Variants in ENTPD8 observed in about 807,000 individuals in gnomAD.
ENTPD8 encodes ectonucleoside triphosphate diphosphohydrolase 8.
A neutral mutation model predicts 47.0 loss-of-function variants in ENTPD8; 35 were observed. That is an observed-to-expected ratio of 0.75 (90% CI 0.57 to 0.99). The LOEUF (loss-of-function observed/expected upper bound fraction) is 0.99, where lower values mean the gene tolerates loss of function less well. Among genes scored for constraint, ENTPD8 ranks in the 50% least tolerant of loss-of-function variants. The probability of loss-of-function intolerance (pLI) is 0.00; values close to 1 mark genes in which losing one functional copy is unlikely to be tolerated. For synonymous variants in ENTPD8, 308 were observed against 290.5 expected (o/e 1.06, Z -0.61); for missense variants, 668 against 649.9 (o/e 1.03, Z -0.30).
At chr9:137,440,300 C>T (rs1839492870) in intron 1 of ENTPD8, among the ~76,000 whole-genome samples, 1 of 22,278 alleles carries the variant, frequency 4.5e-5, no homozygotes, top group Non-Finnish European at 7.6e-5. Flanking sequence ...ACCAGGACAG[C>T]CCCCGCCAGA....
intron 1 of ENTPD8, among the ~76,000 whole-genome samples, chr9:137,439,552 C>T (rs375427470): frequency 3.3e-5 from 5 of 152,114 alleles, no homozygotes; most frequent in Admixed American, 6.5e-5. Context: ...GGGGTCCTCA[C>T]GCAATTCTGT....
chr9:137,436,026 C>T lies in ENTPD8; in HGVS notation c.1037G>A (p.Arg346Gln), dbSNP rs757572891. The change falls in exon 7 of 10, where the codon CGG (arginine) becomes CAG (glutamine). Residue 346 changes from arginine to glutamine, a missense_variant. Transcript: ENST00000371506. ...AFDGVYQPPL[R>Q]GQFYAFSNFY... ...GTAGGTGCTCACATAGAACTGGCCC[C>T]GCAGCGGGGGCTGGTAGACCCCGTC... 1.4e-5 allele frequency: 23 copies of T among 1,612,628 alleles called. No homozygotes were observed. The highest frequency in any genetic ancestry group is 8.3e-5 in the Admixed American group (5 of 60,006).
At position 137,436,601 on chromosome 9, in the gene ENTPD8, C is replaced by G; in HGVS notation, c.706G>C (p.Asp236His). 1 of 1,611,432 alleles carries G rather than the reference C, an allele frequency of 6.2e-7. No individual in the cohort carries two copies. Among genetic ancestry groups the G allele is most frequent in the Non-Finnish European group, 8.5e-7 (1 of 1,179,494 alleles). The change falls in exon 6 of 10, where the codon GAC (aspartate) becomes CAC (histidine). Residue 236 changes from aspartate to histidine, a missense_variant. Physicochemically the swap from Asp to His is moderately conservative, Grantham distance 81. Transcript: ENST00000371506. Reference sequence around the variant, plus strand: ...TAGCTGTGAGTGTAGACGCTGTAGTCGGAGCCGTAGAGGCGAAAATCGGCC... The same window carrying G: ...TAGCTGTGAGTGTAGACGCTGTAGTGGGAGCCGTAGAGGCGAAAATCGGCC... The part of the protein sequence containing the change: ...TQADFRLYGS[D>H]YSVYTHSYLC...
Position 137,438,308 on chromosome 9 carries a change from G to T in ENTPD8, c.-20-3C>A. On this transcript the variant is annotated splice_region_variant and splice_polypyrimidine_tract_variant and intron_variant, in intron 1 of 9. Transcript: ENST00000371506. This position sits in a 1 kb window ranked among gnomAD's most constrained non-coding sequence, Gnocchi z 5.7. ...CATGGTGCAGGTGGTACTGGTTCCT[G>T]TGGGGGGACGGCCGTGGGCACCCAG... 2.0e-6 allele frequency: 3 copies of T among 1,529,770 alleles called. No individual in the cohort carries two copies. Among genetic ancestry groups the T allele is most frequent in the Non-Finnish European group, 2.6e-6 (3 of 1,135,462 alleles). The allele number at this position is 1,529,770 out of a possible 1,614,324, so 94.8% of individuals were successfully genotyped here. A position where few individuals can be genotyped will look rare whatever the true frequency, so the allele number is the denominator to read the frequency against.
intron 7 of ENTPD8, 52 bp downstream of exon 7, chr9:137,435,961 G>A (rs1043236195): frequency 1.9e-6 from 3 of 1,605,782 alleles, no homozygotes; most frequent in Non-Finnish European, 2.6e-6. Context: ...ACAGGCACCT[G>A]AGGCCTCACA....
chr9:137,437,975 T>G lies in ENTPD8; in HGVS notation c.236A>C (p.Gln79Pro), dbSNP rs1378774150. ...CAGAACAGCCCACTAACCTTCCACC[T>G]GGCAGGCCAGGGCCTGGCTGACCAC... ...TGVVSQALAC[Q>P]VEGPGISSYT... Residue 79 changes from glutamine (Q) to proline (P), a missense_variant, in exon 3 of 10, where the codon CAG becomes CCG. Transcript: ENST00000371506. 1 of 1,612,082 alleles carries G rather than the reference T, an allele frequency of 6.2e-7. No homozygotes were observed. Among genetic ancestry groups the G allele is most frequent in the Non-Finnish European group, 8.5e-7 (1 of 1,179,550 alleles).
chr9:137,434,871 C>T lies in ENTPD8; in HGVS notation c.*43G>A, dbSNP rs1839293402. On this transcript the variant is annotated 3_prime_UTR_variant, in exon 10 of 10. Coordinates refer to ENST00000371506, the MANE Select transcript of ENTPD8 (RefSeq NM_001033113.2). The stretch of plus-strand genomic sequence containing the variant: ...CAGGAAGCCTCCAGCATCCGGGACG[C>T]AGCTGCCTGTGGGCTCTGTGGGGGC... The T allele has an allele frequency of 1.3e-6, 2 of 1,542,286 alleles. No individual in the cohort carries two copies. Among genetic ancestry groups the T allele is most frequent in the African/African-American group, 2.7e-5 (2 of 73,464 alleles).
In ENTPD8 at chr9:137,435,268, G is replaced by A. The variant is rs574712118; in HGVS notation, c.1232C>T (p.Thr411Ile). ...GAACCCGTAGCCCTCGTGCAGGAGG[G>A]TGAGGATGTACAGGCCTGAGGCACA... ...DYCASGLYIL[T>I]LLHEGYGFSE... Residue 411 changes from threonine to isoleucine, a missense_variant, in exon 9 of 10, where the codon ACC becomes ATC. Thr to Ile is a moderately conservative substitution (Grantham distance 89). Coordinates refer to ENST00000371506, the MANE Select transcript of ENTPD8 (RefSeq NM_001033113.2). 72 of 1,612,580 alleles carry A rather than the reference G, an allele frequency of 4.5e-5. 2 individuals carry two copies. The South Asian group carries it at 6.1e-4, about 14-fold the overall frequency.
chr9:137,434,387 T>A lies in ENTPD8; in HGVS notation c.*527A>T. The stretch of plus-strand genomic sequence containing the variant: ...GATGCTGTGTCCATGATGCTTTTAA[T>A]AAAAACAACCCCCACTGCAGTCTCA... On this transcript the variant is annotated 3_prime_UTR_variant, in exon 10 of 10. Transcript: ENST00000371506. 1 of 1,541,238 alleles carries A rather than the reference T, an allele frequency of 6.5e-7. No homozygotes were observed. Among genetic ancestry groups the A allele is most frequent in the South Asian group, 1.2e-5 (1 of 83,626 alleles).
intron 3 of ENTPD8, 34 bp downstream of exon 3, chr9:137,437,933 G>T: frequency 6.4e-7 from 1 of 1,564,950 alleles, no homozygotes; most frequent in Non-Finnish European, 8.8e-7. Context: ...CAACAGGCAG[G>T]TCCCAGCACC....
intron 1 of ENTPD8, 31 bp downstream of exon 1, chr9:137,441,255 G>GC (rs1346179547): frequency 1.1e-5 from 3 of 266,774 alleles, no homozygotes; most frequent in South Asian, 6.0e-5. Flanking sequence ...GACCAGGACA[G>GC]CCCCCCCAGG....
chr9:137,436,783 C>T, intron 5 of ENTPD8, 32 bp from the exon 6 acceptor site: 1 of 1,601,614 alleles, frequency 6.2e-7, no homozygotes, highest in Non-Finnish European at 8.5e-7. Flanking sequence ...CAGCTGGGAG[C>T]AGCCACCCGG....
chr9:137,438,101 A>G lies in ENTPD8; in HGVS notation c.127-17T>C. On this transcript the variant is annotated splice_polypyrimidine_tract_variant and intron_variant, in intron 2 of 9. Coordinates refer to ENST00000371506, the MANE Select transcript of ENTPD8 (RefSeq NM_001033113.2). This position sits in a 1 kb window ranked among gnomAD's most constrained non-coding sequence, Gnocchi z 5.7. ...GATCCCAAACTGGGGAGACAGTGGG[A>G]TGAGTGGGAGGCAACACCTGTGGAC... 1 of 1,612,360 alleles carries G rather than the reference A, an allele frequency of 6.2e-7. No individual in the cohort carries two copies. Among genetic ancestry groups the G allele is most frequent in the East Asian group, 2.2e-5 (1 of 44,872 alleles).
chr9:137,439,167 C>T (rs1839449618), intron 1 of ENTPD8, among the ~76,000 whole-genome samples: 1 of 152,178 alleles, frequency 6.6e-6, no homozygotes, highest in Non-Finnish European at 1.5e-5. Context: ...GACTCTGCAC[C>T]TTCTTAGCTG....
rs542828262 is a variant in ENTPD8 at position 137,438,385 on chromosome 9, C to T, written c.-20-80G>A. The T allele has an allele frequency of 3.8e-5, 53 of 1,404,562 alleles. 1 individual carries two copies. In the South Asian group the frequency reaches 6.0e-4, roughly 16 times the overall value. The allele number at this position is 1,404,562 out of a possible 1,614,324, so 87.0% of individuals were successfully genotyped here. A position where few individuals can be genotyped will look rare whatever the true frequency, so the allele number is the denominator to read the frequency against. ...CTCCAGAGGCAGAGGCTTCGCTCCC[C>T]GTCTCCCTGGAGACGCACCCCTGGA... On this transcript the variant is annotated intron_variant, in intron 1 of 9. Transcript: ENST00000371506. This position sits in a 1 kb window ranked among gnomAD's most constrained non-coding sequence, Gnocchi z 5.7.
chr9:137,436,625 C>G lies in ENTPD8; in HGVS notation c.682G>C (p.Ala228Pro), dbSNP rs965806358. 5 of 1,608,394 alleles carry G rather than the reference C, an allele frequency of 3.1e-6. No individual in the cohort carries two copies. The Admixed American group carries it at 6.8e-5, about 22-fold the overall frequency. Reference protein sequence around the residue: ...GGPILDKSTQADFRLYGSDYS... With the variant: ...GGPILDKSTQPDFRLYGSDYS... ...TCGGAGCCGTAGAGGCGAAAATCGG[C>G]CTGGGTGCTCTTGTCCAAGATGGGG... The change falls in exon 6 of 10, where the codon GCC becomes CCC. Residue 228 changes from alanine (A) to proline (P), a missense_variant. Transcript: ENST00000371506.
chr9:137,435,192 G>A lies in ENTPD8; in HGVS notation c.1296+12C>T, dbSNP rs1839306916. ...CGCCCACGCCCCGCCCACGCCCAGG[G>A]GAGGCAGTCACCTGCTTTCGGAACT... On this transcript the variant is annotated intron_variant, in intron 9 of 9. Transcript: ENST00000371506. The A allele has an allele frequency of 6.2e-7, 1 of 1,609,030 alleles. No homozygotes were observed. Among genetic ancestry groups the A allele is most frequent in the Admixed American group, 1.7e-5 (1 of 59,904 alleles).
At chr9:137,435,372 G>T (rs1228261859) in intron 8 of ENTPD8, 34 bp from the exon 9 acceptor site, 1 of 1,593,766 alleles carries the variant, frequency 6.3e-7, no homozygotes, top group Admixed American at 1.7e-5. Flanking sequence ...CGAGGTGAGG[G>T]CCCCTGATCC....
At position 137,434,921 on chromosome 9, in the gene ENTPD8, T is replaced by C. The variant is rs149352645; in HGVS notation, c.1481A>G (p.Gln494Arg). ...CCCACCTCCGCCTTCCCACTAGTCC[T>C]GCAACCAGAAGAGCTGGACCAAGGC... is the stretch of plus-strand genomic sequence containing the variant. ...GAALVQLFWLQD is the reference protein window; with the variant it reads ...GAALVQLFWLRD The change falls in exon 10 of 10, where the codon CAG becomes CGG. Residue 494 changes from glutamine to arginine, a missense_variant. Physicochemically the swap from Gln to Arg is conservative, Grantham distance 43. Coordinates refer to ENST00000371506, the MANE Select transcript of ENTPD8 (RefSeq NM_001033113.2). The C allele has an allele frequency of 6.0e-5, 96 of 1,609,350 alleles. No homozygotes were observed. The African/African-American group carries it at 1.1e-3, about 18-fold the overall frequency.
Sources: gnomAD v4.1 joint callset for allele counts (sites outside exome capture counted in the v4.1 genomes callset) on GRCh38, gnomAD v4.1.1 for gene constraint, Gnocchi (gnomAD v3.1) non-coding constraint, MANE v1.5 for transcripts, NCBI Gene and HGNC (gene_info 2026-07-23, HGNC 2026-07-21) for gene names.